The following FOXP2 variants were observed in gnomAD, a reference collection of about 807,000 sequenced individuals.
FOXP2 encodes the protein forkhead box P2.
A neutral mutation model predicts 115.8 loss-of-function variants in FOXP2; 12 were observed. The ratio of observed to expected loss-of-function variants is 0.10; its 90% confidence interval spans 0.07 to 0.17. The LOEUF is 0.17. Among genes scored for constraint, FOXP2 ranks in the 10% least tolerant of loss-of-function variants. The pLI is 1.00. For missense variants in FOXP2, 629 were observed against 843.5 expected (o/e 0.75, Z 3.15); for synonymous variants, 328 against 297.7 (o/e 1.10, Z -1.05).
chr7:114,462,586 G>A (rs1273486370), intron 2 of FOXP2, among the ~76,000 whole-genome samples: 1 of 151,850 alleles, frequency 6.6e-6, no homozygotes, highest in African/African-American at 2.4e-5. Flanking sequence ...TGGCCAGGAT[G>A]GTCTCAGATC....
intron 2 of FOXP2, among the ~76,000 whole-genome samples, chr7:114,406,540 T>C (rs1221623457): frequency 1.3e-5 from 2 of 152,022 alleles, no homozygotes; most frequent in Non-Finnish European, 2.9e-5. Context: ...TAAAACACCA[T>C]GCACTGTAAA....
Position 114,628,533 on chromosome 7 carries a change from G to A in FOXP2, c.259-7G>A. ...GAATTTTCTTTCTCTTTCTCTTTCT[G>A]TGCAAGGTGCCTGTGTCAGTGGCCA... On this transcript the variant is annotated splice_region_variant and splice_polypyrimidine_tract_variant and intron_variant, in intron 3 of 16. Coordinates refer to ENST00000350908, the MANE Select transcript of FOXP2 (RefSeq NM_014491.4). 1 of 1,613,860 alleles carries A rather than the reference G, an allele frequency of 6.2e-7. No homozygotes were observed. The highest frequency in any genetic ancestry group is 8.5e-7 in the Non-Finnish European group (1 of 1,179,940).
intron 2 of FOXP2, among the ~76,000 whole-genome samples, chr7:114,447,608 C>A (rs568983220): frequency 6.6e-6 from 1 of 152,108 alleles, no homozygotes; most frequent in African/African-American, 2.4e-5. Context: ...AAGTACCCCA[C>A]GCTAACATTT....
intron 1 of FOXP2, among the ~76,000 whole-genome samples, chr7:114,423,822 T>C (rs1584717509): frequency 6.6e-6 from 1 of 151,726 alleles, no homozygotes; most frequent in African/African-American, 2.4e-5. Flanking sequence ...ATCTGCATTG[T>C]CCTTGAAAAA....
chr7:114,419,188 T>A (rs1050332182), intron 1 of FOXP2, among the ~76,000 whole-genome samples: 2 of 151,844 alleles, frequency 1.3e-5, no homozygotes, highest in Admixed American at 6.6e-5. Context: ...CAAATTTTGA[T>A]AATCTATGTG....
intron 1 of FOXP2, among the ~76,000 whole-genome samples, chr7:114,138,350 T>A (rs1792099362): frequency 6.6e-6 from 1 of 151,010 alleles, no homozygotes; most frequent in Admixed American, 6.6e-5. Flanking sequence ...ATAGTATATA[T>A]CCTCTGAGGT....
chr7:114,315,159 A>C (rs949409283), intron 2 of FOXP2, among the ~76,000 whole-genome samples: 4 of 152,156 alleles, frequency 2.6e-5, no homozygotes, highest in African/African-American at 9.7e-5. Context: ...AATTGTTTAC[A>C]TTTCCTCTCT....
chr7:114,401,021 G>C (rs1792876842), intron 2 of FOXP2, among the ~76,000 whole-genome samples: 1 of 152,122 alleles, frequency 6.6e-6, no homozygotes, highest in Admixed American at 6.5e-5. Context: ...TTACCTAACA[G>C]GATTCTTGCT....
intron 2 of FOXP2, among the ~76,000 whole-genome samples, chr7:114,404,368 G>A (rs971255402): frequency 2.2e-4 from 34 of 152,156 alleles, no homozygotes; most frequent in Non-Finnish European, 4.9e-4. Context: ...TAAAAAGTAC[G>A]TAAAATAAGT....
chr7:114,547,965 A>G (rs6953161), intron 3 of FOXP2, among the ~76,000 whole-genome samples: 26,119 of 152,076 alleles, frequency 0.17, 2,675 homozygotes, highest in African/African-American at 0.29. Flanking sequence ...GTTTAGGATT[A>G]TAGATTTTAT....
intron 8 of FOXP2, 71 bp downstream of exon 8, chr7:114,644,860 TAAAC>T (rs1805788584): frequency 3.4e-6 from 4 of 1,167,370 alleles, no homozygotes; most frequent in South Asian, 2.5e-5. Context: ...ACATTGTAAA[TAAAC>T]AAAAGATGAA....
chr7:114,102,734 C>CT (rs1584480301), intron 1 of FOXP2, among the ~76,000 whole-genome samples: 2 of 106,630 alleles, frequency 1.9e-5, no homozygotes, highest in Non-Finnish European at 3.7e-5. Context: ...ACACACACAC[C>CT]CCAATGGTTA....
At chr7:114,466,206 C>G (rs1466925816) in intron 2 of FOXP2, among the ~76,000 whole-genome samples, 1 of 152,132 alleles carries the variant, frequency 6.6e-6, no homozygotes, top group Non-Finnish European at 1.5e-5. Context: ...TGCTAGAGAC[C>G]CATCACTGGA....
intron 2 of FOXP2, among the ~76,000 whole-genome samples, chr7:114,524,359 G>A (rs996201549): frequency 2.5e-4 from 38 of 152,074 alleles, no homozygotes; most frequent in African/African-American, 8.9e-4. Context: ...GTTCTAGTTG[G>A]CATAACTAGC....
intron 1 of FOXP2, among the ~76,000 whole-genome samples, chr7:114,214,279 G>A (rs2129162375): frequency 6.6e-6 from 1 of 152,212 alleles, no homozygotes; most frequent in Non-Finnish European, 1.5e-5. Flanking sequence ...CAAGCAATTT[G>A]ATCAAGAGCT....
intron 3 of FOXP2, among the ~76,000 whole-genome samples, chr7:114,600,600 A>G (rs151197508): frequency 2.4e-3 from 359 of 152,334 alleles, no homozygotes; most frequent in Non-Finnish European, 3.3e-3. Flanking sequence ...ATTATCTTCT[A>G]TAGTAGATGT....
At chr7:114,214,747 A>G (rs1794446351) in intron 1 of FOXP2, among the ~76,000 whole-genome samples, 1 of 151,680 alleles carries the variant, frequency 6.6e-6, no homozygotes, top group South Asian at 2.1e-4. Context: ...TGCTTACTTT[A>G]CTCCCAAACT....
At chr7:114,438,026 G>A (rs182945241) in intron 2 of FOXP2, among the ~76,000 whole-genome samples, 1 of 152,106 alleles carries the variant, frequency 6.6e-6, no homozygotes, top group South Asian at 2.1e-4. Context: ...TGATATTCTG[G>A]AATATATTGG....
At chr7:114,356,773 C>T (rs933905434) in intron 2 of FOXP2, among the ~76,000 whole-genome samples, 1 of 152,114 alleles carries the variant, frequency 6.6e-6, no homozygotes, top group Non-Finnish European at 1.5e-5. Context: ...AAAACAAAGA[C>T]AGGACATTCC....
Sources: allele counts gnomAD v4.1 joint callset (sites outside exome capture counted in the v4.1 genomes callset), GRCh38; gene constraint gnomAD v4.1.1; transcripts MANE v1.5; gene names NCBI Gene and HGNC (gene_info 2026-07-23, HGNC 2026-07-21).